Variants in STN1 observed in about 807,000 individuals in gnomAD.
STN1 encodes the protein CST complex subunit STN1.
STN1 carries 29 observed loss-of-function variants against 45.5 expected under a neutral mutation model. That is an observed-to-expected ratio of 0.64 (90% confidence interval 0.47 to 0.87). The LOEUF is 0.87. STN1 is among the 40% of genes least tolerant of loss of function. The pLI is 0.00. For synonymous variants in STN1, 148 were observed against 159.0 expected, an observed-to-expected ratio of 0.93 and a Z score of 0.52; for missense variants, 376 against 441.4, an observed-to-expected ratio of 0.85 and a Z score of 1.33.
chr10:103,892,864 C>G (rs1843148826), intron 7 of STN1, among the ~76,000 whole-genome samples: 1 of 152,182 alleles, frequency 6.6e-6, no homozygotes, highest in Non-Finnish European at 1.5e-5. Context: ...AGTGTCTCTT[C>G]ACTTCTCTGG....
intron 9 of STN1, among the ~76,000 whole-genome samples, chr10:103,884,680 G>A (rs17116103): frequency 0.024 from 3,623 of 152,212 alleles, 136 homozygotes; most frequent in African/African-American, 0.082. Context: ...GAAGGTGCTC[G>A]AAGAGGTATT....
At chr10:103,909,444 G>GTATATATGTATATATGTA (rs1843270750) in intron 3 of STN1, among the ~76,000 whole-genome samples, 1 of 49,918 alleles carries the variant, frequency 2.0e-5, no homozygotes, top group Admixed American at 2.8e-4. Flanking sequence ...GTATATATAT[G>GTATATATGTATATATGTA]TATATATGTA....
chr10:103,878,732 G>A lies in STN1; in HGVS notation c.*3952C>T, dbSNP rs1280181581. ...GAGAATTTCTAGTAATCTGTCTGAT[G>A]TGTATAATTATTCATCCAGCATTTC... On this transcript the variant is annotated 3_prime_UTR_variant, in exon 10 of 10. Coordinates refer to ENST00000224950, the MANE Select transcript of STN1 (RefSeq NM_024928.5). 6.6e-6 allele frequency: 1 copy of A among 152,238 alleles called. No individual in the cohort carries two copies. The highest frequency in any genetic ancestry group is 2.4e-5 in the African/African-American group (1 of 41,450). 9.4% of individuals were successfully genotyped at this position (152,238 alleles called of 1,614,324 possible). A position where few individuals can be genotyped will look rare whatever the true frequency, so the allele number is the denominator to read the frequency against.
At chr10:103,887,271 T>C (rs1188749650) in intron 9 of STN1, among the ~76,000 whole-genome samples, 1 of 152,230 alleles carries the variant, frequency 6.6e-6, no homozygotes, top group Non-Finnish European at 1.5e-5. Flanking sequence ...TGTAGGACAA[T>C]GTATATCGTC....
rs374196630 is a variant in STN1 at position 103,889,074 on chromosome 10, T to C, written c.947A>G (p.Asn316Ser). The C allele has an allele frequency of 5.0e-6, 8 of 1,609,506 alleles. No individual in the cohort carries two copies. The highest frequency in any genetic ancestry group is 3.3e-5 in the South Asian group (3 of 91,006). Residue 316 changes from asparagine to serine, a missense_variant and splice_region_variant, in exon 9 of 10, where the codon AAT becomes AGT. Coordinates refer to ENST00000224950, the MANE Select transcript of STN1 (RefSeq NM_024928.5). The stretch of plus-strand genomic sequence containing the variant: ...CACTTGTACATTATACCACTTACGA[T>C]TTGGTTTCTGGCAGTCCTGCTGAAT... ...RIIQQDCQKP[N>S]HMEKGCHFLH...
rs1403133772 is a variant in STN1 at position 103,909,834 on chromosome 10, T to A, written c.229+693A>T. The stretch of plus-strand genomic sequence containing the variant: ...AAGGTTTGGAATTTAAAGTTAAGTT[T>A]CCCACAAAATATCTAGCTTGGGCTC... On this transcript the variant is annotated intron_variant, in intron 3 of 9. Transcript: ENST00000224950. Among the ~76,000 whole-genome samples, 3 of 152,108 alleles carry A rather than the reference T, an allele frequency of 2.0e-5. No homozygotes were observed. In the East Asian group the frequency reaches 5.8e-4, roughly 29 times the overall value.
chr10:103,882,654 GTCC>G lies in STN1; in HGVS notation c.*27_*29del, dbSNP rs761141204. ...TGGGGGTGAATGCCACCTTATCTTT[GTCC>G]TCCTCAGCTGGTCTGCGTGTCTCTG... On this transcript the variant is annotated 3_prime_UTR_variant, in exon 10 of 10. Transcript: ENST00000224950. 7 of 1,577,198 alleles carry G rather than the reference GTCC, an allele frequency of 4.4e-6. 1 individual carries two copies. In the Admixed American group the frequency reaches 1.2e-4, roughly 28 times the overall value.
At chr10:103,909,398 GTATATATATGTATATATGTATA>G (rs1843267900) in intron 3 of STN1, among the ~76,000 whole-genome samples, 4 of 63,450 alleles carry the variant, frequency 6.3e-5, no homozygotes, top group Non-Finnish European at 6.7e-5. Flanking sequence ...ATGTATATAT[GTATATATATGTATATATGTATA>G]TATGTATATA....
rs191401995 is a variant in STN1 at position 103,880,318 on chromosome 10, G to A, written c.*2366C>T. ...GGTATTACTGGAAAAGGCAACATTC[G>A]ATTGGTTAAGGCGTTATTCAGAAAG... On this transcript the variant is annotated 3_prime_UTR_variant, in exon 10 of 10. Transcript: ENST00000224950. 2.4e-4 allele frequency among the ~76,000 whole-genome samples: 37 copies of A among 152,338 alleles called. 1 individual carries two copies. The highest frequency in any genetic ancestry group is 4.6e-4 in the Admixed American group (7 of 15,306).
chr10:103,881,868 G>A lies in STN1; in HGVS notation c.*816C>T, dbSNP rs922665772. Among the ~76,000 whole-genome samples the A allele has an allele frequency of 6.6e-6, 1 of 152,160 alleles. No individual in the cohort carries two copies. The highest frequency in any genetic ancestry group is 1.5e-5 in the Non-Finnish European group (1 of 68,024). ...CTGGGCACATACCGAGTCTTTGTCT[G>A]GATGGTGTCAGCACATCCTGCACAC... On this transcript the variant is annotated 3_prime_UTR_variant, in exon 10 of 10. Transcript: ENST00000224950.
In STN1 at chr10:103,900,231, T is replaced by C. The variant is rs769754748; in HGVS notation, c.296-8A>G. 1 of 1,613,216 alleles carries C rather than the reference T, an allele frequency of 6.2e-7. No homozygotes were observed. The highest frequency in any genetic ancestry group is 8.5e-7 in the Non-Finnish European group (1 of 1,179,636). The stretch of plus-strand genomic sequence containing the variant: ...TTGCTGCACTTGGAGCAGCTGTAGT[T>C]GTTTAGAGCCAGAGGGAAAGAGAAA... On this transcript the variant is annotated splice_region_variant and splice_polypyrimidine_tract_variant and intron_variant, in intron 4 of 9. Coordinates refer to ENST00000224950, the MANE Select transcript of STN1 (RefSeq NM_024928.5).
At chr10:103,912,918 A>G (rs1257794270) in intron 2 of STN1, among the ~76,000 whole-genome samples, 2 of 152,204 alleles carry the variant, frequency 1.3e-5, no homozygotes, top group Admixed American at 6.5e-5. Flanking sequence ...CACAGCACAT[A>G]GGCAATCAGA....
chr10:103,890,804 A>C (rs1282080898), intron 8 of STN1, among the ~76,000 whole-genome samples: 1 of 152,248 alleles, frequency 6.6e-6, no homozygotes, highest in Non-Finnish European at 1.5e-5. Flanking sequence ...TGTCATATTA[A>C]GAAAAGCTCC....
Position 103,917,670 on chromosome 10 carries a change from A to G in STN1, c.-62-14T>C. ...TGAGTCAAGCATCTAGATGGGACAC[A>G]GAAATGAGGATGCAATGCGTTTAAC... On this transcript the variant is annotated splice_polypyrimidine_tract_variant and intron_variant, in intron 1 of 9. Coordinates refer to ENST00000224950, the MANE Select transcript of STN1 (RefSeq NM_024928.5). 6.6e-7 allele frequency: 1 copy of G among 1,519,858 alleles called. No individual in the cohort carries two copies. The highest frequency in any genetic ancestry group is 8.9e-7 in the Non-Finnish European group (1 of 1,119,746). 94.1% of individuals were successfully genotyped at this position (1,519,858 alleles called of 1,614,324 possible).
intron 9 of STN1, among the ~76,000 whole-genome samples, chr10:103,883,342 T>C (rs1379916061): frequency 6.6e-6 from 1 of 152,098 alleles, no homozygotes. Flanking sequence ...CATTCCTCTC[T>C]TCCTGGCTTC....
intron 9 of STN1, among the ~76,000 whole-genome samples, chr10:103,883,218 C>A (rs1445939972): frequency 6.6e-6 from 1 of 152,112 alleles, no homozygotes; most frequent in East Asian, 1.9e-4. Flanking sequence ...CAGGGAGGAG[C>A]CCTCTTGAAA....
intron 9 of STN1, 102 bp from the exon 10 acceptor site, chr10:103,882,943 G>T: frequency 8.6e-7 from 1 of 1,159,576 alleles, no homozygotes; most frequent in Non-Finnish European, 1.2e-6. Context: ...CAGATCCCCA[G>T]ATGATCTTTA....
chr10:103,917,552 G>C lies in STN1; in HGVS notation c.43C>G (p.Leu15Val), dbSNP rs1048278776. The change falls in exon 2 of 10, where the codon CTC (leucine) becomes GTC (valine). Residue 15 changes from leucine (L) to valine (V), a missense_variant. Leu to Val is a conservative substitution (Grantham distance 32). Transcript: ENST00000224950. ...SSRCEEETPSLLWGLDPVFLA... is the reference protein window; with the variant it reads ...SSRCEEETPSVLWGLDPVFLA... ...AACACAGGATCCAAACCCCACAAGA[G>C]GGAAGGGGTCTCCTCTTCACACCGG... 2.5e-6 allele frequency: 4 copies of C among 1,614,042 alleles called. No homozygotes were observed. In the African/African-American group the frequency reaches 4.0e-5, roughly 16 times the overall value.
intron 4 of STN1, among the ~76,000 whole-genome samples, chr10:103,904,888 AT>A (rs1211988201): frequency 1.3e-5 from 2 of 152,160 alleles, no homozygotes; most frequent in Non-Finnish European, 2.9e-5. Context: ...CACCAAAGAG[AT>A]GGGAGAAAGA....
Sources: allele counts gnomAD v4.1 joint callset (sites outside exome capture counted in the v4.1 genomes callset), GRCh38; gene constraint gnomAD v4.1.1; transcripts MANE v1.5; gene names NCBI Gene and HGNC (gene_info 2026-07-23, HGNC 2026-07-21).